The following BCAR3 variants were observed in gnomAD, a reference collection of about 807,000 sequenced individuals.
BCAR3 encodes BCAR3 adaptor protein, NSP family member.
A neutral mutation model predicts 80.1 loss-of-function variants in BCAR3; 37 were observed. The observed-to-expected ratio is 0.46, with a 90% CI of 0.36 to 0.61. The LOEUF (loss-of-function observed/expected upper bound fraction) is 0.61. Ranked by LOEUF, BCAR3 falls within the 20% of genes least tolerant of loss-of-function variation. The pLI, the probability that BCAR3 is intolerant of heterozygous loss-of-function variation, is 0.00. For missense variants in BCAR3, 978 were observed against 1,068.2 expected, an observed-to-expected ratio of 0.92 and a Z score of 1.18; for synonymous variants, 389 against 418.9, an observed-to-expected ratio of 0.93 and a Z score of 0.87.
chr1:93,596,848 T>G (rs926605069), intron 3 of BCAR3, among the ~76,000 whole-genome samples: 2 of 152,312 alleles, frequency 1.3e-5, no homozygotes, highest in Admixed American at 1.3e-4. Context: ...TGGTTTTCGC[T>G]GCCTCAGCAG....
At chr1:93,762,984 T>A (rs74101702) in intron 2 of BCAR3, among the ~76,000 whole-genome samples, 17,788 of 152,194 alleles carry the variant, frequency 0.12, 1,456 homozygotes, top group African/African-American at 0.22. Context: ...TTCAATCTAT[T>A]CTCTACACTG....
At chr1:93,800,029 C>T (rs528512180) in intron 2 of BCAR3, among the ~76,000 whole-genome samples, 1 of 152,294 alleles carries the variant, frequency 6.6e-6, no homozygotes, top group East Asian at 1.9e-4. Context: ...ACCTCCATTC[C>T]TTCCTATTAG....
chr1:93,739,444 T>A (rs147357068), intron 2 of BCAR3, among the ~76,000 whole-genome samples: 233 of 152,356 alleles, frequency 1.5e-3, no homozygotes, highest in African/African-American at 5.2e-3. Flanking sequence ...TATGTTTTAA[T>A]CTTTTAATAC....
At chr1:93,575,051 T>G (rs1467410408) in intron 8 of BCAR3, among the ~76,000 whole-genome samples, 1 of 151,324 alleles carries the variant, frequency 6.6e-6, no homozygotes, top group East Asian at 1.9e-4. Flanking sequence ...CCCCGAGAAG[T>G]GGCTTTTTAC....
intron 2 of BCAR3, among the ~76,000 whole-genome samples, chr1:93,783,864 G>T (rs1037369365): frequency 6.6e-6 from 1 of 152,154 alleles, no homozygotes; most frequent in Non-Finnish European, 1.5e-5. Flanking sequence ...TTGAACCCAG[G>T]TGGGACTTTG....
At chr1:93,759,651 G>A (rs188450744) in intron 2 of BCAR3, among the ~76,000 whole-genome samples, 1 of 152,294 alleles carries the variant, frequency 6.6e-6, no homozygotes, top group African/African-American at 2.4e-5. Context: ...TACCTGTCAA[G>A]CACCACACTA....
chr1:93,704,068 C>T lies in BCAR3; in HGVS notation c.-12+2024G>A, dbSNP rs889306897. Among the ~76,000 whole-genome samples, 3 of 152,310 alleles carry T rather than the reference C, an allele frequency of 2.0e-5. No individual in the cohort carries two copies. In the East Asian group the frequency reaches 5.8e-4, roughly 29 times the overall value. ...TTAGTGGTATATAGGACATTTCCATCATCACAGAAATTGCCATAGGGCAGC... is the reference window on the plus strand; with the variant it reads ...TTAGTGGTATATAGGACATTTCCATTATCACAGAAATTGCCATAGGGCAGC... On this transcript the variant is annotated intron_variant, in intron 3 of 13. Transcript: ENST00000370244.
chr1:93,628,868 G>A (rs775092430), intron 3 of BCAR3, among the ~76,000 whole-genome samples: 3 of 152,158 alleles, frequency 2.0e-5, no homozygotes, highest in Non-Finnish European at 2.9e-5. Context: ...CCAGCACAGG[G>A]AAGAGACTCA....
intron 3 of BCAR3, among the ~76,000 whole-genome samples, chr1:93,605,879 A>T (rs942961782): frequency 1.1e-4 from 17 of 152,256 alleles, no homozygotes; most frequent in Admixed American, 7.2e-4. Context: ...GAAAAACAAG[A>T]TATGCCAAAC....
chr1:93,583,161 A>G (rs559378206), intron 6 of BCAR3, among the ~76,000 whole-genome samples: 16 of 152,176 alleles, frequency 1.1e-4, no homozygotes, highest in Non-Finnish European at 2.4e-4. Context: ...GGCTTGCCCC[A>G]TCCCACACTC....
At chr1:93,638,808 A>C (rs1295089659) in intron 3 of BCAR3, among the ~76,000 whole-genome samples, 1 of 152,228 alleles carries the variant, frequency 6.6e-6, no homozygotes, top group Non-Finnish European at 1.5e-5. Context: ...TGATTAGACA[A>C]AAGTTAAAAC....
intron 2 of BCAR3, chr1:93,775,296 C>G (rs966225566): frequency 2.0e-5 from 3 of 152,250 alleles, no homozygotes; most frequent in Non-Finnish European, 4.4e-5. Flanking sequence ...ATCAAGCACT[C>G]TCAGCCTGGG....
chr1:93,607,700 T>C (rs1273792103), intron 3 of BCAR3, among the ~76,000 whole-genome samples: 1 of 151,944 alleles, frequency 6.6e-6, no homozygotes, highest in East Asian at 1.9e-4. Context: ...CAAGCTCCCG[T>C]ATAGGAAGCT....
intron 2 of BCAR3, among the ~76,000 whole-genome samples, chr1:93,803,708 T>G (rs1052415306): frequency 6.6e-6 from 1 of 152,282 alleles, no homozygotes; most frequent in South Asian, 2.1e-4. Context: ...ACTATAGACT[T>G]AAAGAAATCA....
chr1:93,796,946 T>C (rs1188839879), intron 2 of BCAR3, among the ~76,000 whole-genome samples: 1 of 152,240 alleles, frequency 6.6e-6, no homozygotes, highest in Non-Finnish European at 1.5e-5. Flanking sequence ...CCACTAGCTA[T>C]ACTGCATTAT....
At chr1:93,749,814 TAA>T (rs1308969351) in intron 2 of BCAR3, among the ~76,000 whole-genome samples, 1 of 151,880 alleles carries the variant, frequency 6.6e-6, no homozygotes, top group Non-Finnish European at 1.5e-5. Flanking sequence ...ACAAATTTAG[TAA>T]TTTTATACTC....
intron 2 of BCAR3, among the ~76,000 whole-genome samples, chr1:93,824,979 G>T (rs1654331563): frequency 7.5e-6 from 1 of 133,520 alleles, no homozygotes; most frequent in African/African-American, 2.5e-5. Flanking sequence ...TGAGCCACCT[G>T]CCTGGGTTTT....
rs912161325 is a variant in BCAR3 at position 93,689,973 on chromosome 1, A to C, written c.-11-15032T>G. ...GGTTCACTTTCCTGTACATACTAAG[A>C]TAAACATCCTAAAATGCTCATGGCA... On this transcript the variant is annotated intron_variant, in intron 3 of 13. Transcript: ENST00000370244. 2.0e-5 allele frequency among the ~76,000 whole-genome samples: 3 copies of C among 152,240 alleles called. No homozygotes were observed. In the South Asian group the frequency reaches 6.2e-4, roughly 32 times the overall value.
At chr1:93,691,808 A>G (rs1024434219) in intron 3 of BCAR3, among the ~76,000 whole-genome samples, 2 of 152,188 alleles carry the variant, frequency 1.3e-5, no homozygotes, top group African/African-American at 4.8e-5. Flanking sequence ...GGAAAGACCA[A>G]GAGTTCTCAG....
Sources: gnomAD v4.1 joint callset for allele counts (sites outside exome capture counted in the v4.1 genomes callset) on GRCh38, gnomAD v4.1.1 for gene constraint, MANE v1.5 for transcripts, NCBI Gene and HGNC (gene_info 2026-07-23, HGNC 2026-07-21) for gene names.